Variants in TRIM5 observed in about 807,000 individuals in gnomAD.
TRIM5 encodes the protein tripartite motif containing 5, also known as tripartite motif-containing protein 5.
A neutral mutation model predicts 35.6 loss-of-function variants in TRIM5; 31 were observed. The observed-to-expected ratio is 0.87, with a 90% CI of 0.65 to 1.18. The LOEUF (loss-of-function observed/expected upper bound fraction) is 1.18. Ranked by LOEUF, TRIM5 falls within the 50% of genes most tolerant of loss-of-function variation. TRIM5 has a pLI of 0.00. For missense variants in TRIM5, 609 were observed against 591.6 expected, an observed-to-expected ratio of 1.03 and a Z score of -0.31; for synonymous variants, 243 against 215.6, an observed-to-expected ratio of 1.13 and a Z score of -1.11.
the TRIM5 span, among the ~76,000 whole-genome samples, chr11:5,647,326 G>T: frequency 3.3e-5 from 5 of 152,084 alleles, no homozygotes; most frequent in Non-Finnish European, 7.4e-5. Flanking sequence ...TAAAGTATCT[G>T]ACTGAGATGA....
intron 1 of TRIM5, among the ~76,000 whole-genome samples, chr11:5,682,910 C>T (rs896844828): frequency 2.0e-5 from 3 of 152,220 alleles, no homozygotes; most frequent in Non-Finnish European, 2.9e-5. Context: ...TGGCCAAGGC[C>T]GGAGCTGGCT....
chr11:5,615,801 C>T, the TRIM5 span, among the ~76,000 whole-genome samples: 20 of 152,012 alleles, frequency 1.3e-4, no homozygotes, highest in East Asian at 3.9e-3. Flanking sequence ...CCATGTTGGT[C>T]ATATTGGTCT....
intron 1 of TRIM5, 32 bp from the exon 2 acceptor site, chr11:5,680,270 A>C: frequency 7.7e-7 from 1 of 1,292,570 alleles, no homozygotes; most frequent in Non-Finnish European, 1.0e-6. Context: ...AATGGGACCA[A>C]GTAAGAAAGG....
chr11:5,635,386 C>G, the TRIM5 span, among the ~76,000 whole-genome samples: 1 of 151,784 alleles, frequency 6.6e-6, no homozygotes, highest in Non-Finnish European at 1.5e-5. Context: ...TCCCGAGTAG[C>G]TGGGACTACA....
At chr11:5,662,054 G>C (rs1346090356), downstream of TRIM5, among the ~76,000 whole-genome samples, 1 of 152,174 alleles carries the variant, frequency 6.6e-6, no homozygotes. Context: ...TGGGTGACAG[G>C]AAAGCAGAGG....
the TRIM5 span, among the ~76,000 whole-genome samples, chr11:5,598,421 G>A: frequency 3.9e-5 from 6 of 152,092 alleles, no homozygotes; most frequent in East Asian, 1.2e-3. Flanking sequence ...AATATCTACA[G>A]CGCATATTAG....
the TRIM5 span, chr11:5,603,486 G>A: frequency 6.2e-7 from 1 of 1,614,154 alleles, no homozygotes; most frequent in Non-Finnish European, 8.5e-7. Context: ...GCTGCCCTGT[G>A]TGCCAGACCA....
At chr11:5,636,362 G>A in the TRIM5 span, among the ~76,000 whole-genome samples, 1 of 152,146 alleles carries the variant, frequency 6.6e-6, no homozygotes, top group Non-Finnish European at 1.5e-5. Context: ...CCAGAGCTCT[G>A]GGGAAGAATA....
chr11:5,602,431 A>G, the TRIM5 span, among the ~76,000 whole-genome samples: 3 of 151,792 alleles, frequency 2.0e-5, no homozygotes, highest in South Asian at 6.3e-4. Flanking sequence ...CGACAGAGCA[A>G]GACCCCCTAA....
chr11:5,632,801 G>T, the TRIM5 span: 1 of 1,465,454 alleles, frequency 6.8e-7, no homozygotes, highest in South Asian at 1.4e-5. Flanking sequence ...GGTAGTTGGT[G>T]GAAAATCTCA....
chr11:5,672,159 A>T (rs1851630728), intron 4 of TRIM5, among the ~76,000 whole-genome samples: 2 of 152,180 alleles, frequency 1.3e-5, no homozygotes, highest in Admixed American at 6.5e-5. Flanking sequence ...ATATTCTCAG[A>T]TGAAGACTGA....
At chr11:5,643,181 T>C in the TRIM5 span, 6 of 1,591,968 alleles carry the variant, frequency 3.8e-6, no homozygotes, top group Non-Finnish European at 5.1e-6. Flanking sequence ...TAAATTTGAA[T>C]CTTGTCCTTT....
At chr11:5,635,629 G>A in the TRIM5 span, among the ~76,000 whole-genome samples, 5 of 152,046 alleles carry the variant, frequency 3.3e-5, no homozygotes, top group Non-Finnish European at 7.4e-5. Context: ...CAAATATATA[G>A]ACAGACAGTG....
chr11:5,653,652 C>T, the TRIM5 span, among the ~76,000 whole-genome samples: 76 of 151,786 alleles, frequency 5.0e-4, no homozygotes, highest in Middle Eastern at 3.4e-3. Flanking sequence ...CCACCATGCC[C>T]GACTAATTTT....
intron 1 of TRIM5, among the ~76,000 whole-genome samples, chr11:5,684,614 AAGAG>A (rs1055689904): frequency 6.6e-6 from 1 of 152,192 alleles, no homozygotes; most frequent in South Asian, 2.1e-4. Flanking sequence ...AAGACACTGA[AAGAG>A]AGAATTCTGG....
At chr11:5,616,325 AAAAAG>A in the TRIM5 span, among the ~76,000 whole-genome samples, 1 of 145,990 alleles carries the variant, frequency 6.8e-6, no homozygotes, top group Non-Finnish European at 1.5e-5. Flanking sequence ...CTGTCTCAAA[AAAAAG>A]AAAAGTATTT....
intron 4 of TRIM5, among the ~76,000 whole-genome samples, chr11:5,669,317 C>A (rs993213909): frequency 2.0e-5 from 3 of 151,988 alleles, no homozygotes; most frequent in Admixed American, 6.5e-5. Flanking sequence ...CAACCTCAGG[C>A]GATCCGCCTG....
chr11:5,599,624 C>T, the TRIM5 span, among the ~76,000 whole-genome samples: 3 of 152,054 alleles, frequency 2.0e-5, no homozygotes, highest in African/African-American at 4.8e-5. Context: ...AGGATGGTCT[C>T]GATCTCCTGA....
chr11:5,643,142 A>G, the TRIM5 span: 1 of 1,403,420 alleles, frequency 7.1e-7, no homozygotes, highest in Non-Finnish European at 9.3e-7. Context: ...TTTTTCTTGC[A>G]GTGGATGTCA....
Sources: allele counts gnomAD v4.1 joint callset (sites outside exome capture counted in the v4.1 genomes callset), GRCh38; gene constraint gnomAD v4.1.1; transcripts MANE v1.5; gene names NCBI Gene and HGNC (gene_info 2026-07-23, HGNC 2026-07-21).